Variants in GNB4 observed in about 807,000 individuals in gnomAD.
GNB4 encodes guanine nucleotide-binding protein subunit beta-4.
Under a neutral mutation model 45.2 loss-of-function variants are expected in GNB4, and 28 were observed. The observed-to-expected ratio is 0.62, with a 90% CI of 0.46 to 0.85. The LOEUF is 0.85. Ranked by LOEUF, GNB4 falls within the 40% of genes least tolerant of loss-of-function variation. The pLI is 0.00. For missense variants in GNB4, 321 were observed against 425.4 expected (o/e 0.75, Z 2.16); for synonymous variants, 132 against 143.7 (o/e 0.92, Z 0.58).
intron 8 of GNB4, among the ~76,000 whole-genome samples, chr3:179,407,083 A>G (rs1396633038): frequency 6.6e-6 from 1 of 152,212 alleles, no homozygotes; most frequent in Non-Finnish European, 1.5e-5. Flanking sequence ...TAAAAAACTA[A>G]AAACAACTGG....
chr3:179,467,671 C>A, the GNB4 span, among the ~76,000 whole-genome samples: 2 of 152,136 alleles, frequency 1.3e-5, no homozygotes, highest in African/African-American at 4.8e-5. Flanking sequence ...GTCAGATGCA[C>A]TGTGGCTGTC....
the GNB4 span, among the ~76,000 whole-genome samples, chr3:179,473,923 G>A: frequency 6.6e-6 from 1 of 152,192 alleles, no homozygotes; most frequent in African/African-American, 2.4e-5. Flanking sequence ...TAAAGGATGA[G>A]AAGAAAGAGG....
chr3:179,507,114 T>C, the GNB4 span, among the ~76,000 whole-genome samples: 1 of 152,182 alleles, frequency 6.6e-6, no homozygotes, highest in Non-Finnish European at 1.5e-5. Context: ...CAAGTCTTAT[T>C]AGTTCTGTTT....
chr3:179,482,397 GAT>G, the GNB4 span, among the ~76,000 whole-genome samples: 1 of 152,156 alleles, frequency 6.6e-6, no homozygotes, highest in Non-Finnish European at 1.5e-5. Context: ...CTTGAGTGGT[GAT>G]GACGCAAGCG....
chr3:179,490,658 T>C, the GNB4 span, among the ~76,000 whole-genome samples: 1 of 151,842 alleles, frequency 6.6e-6, no homozygotes, highest in African/African-American at 2.4e-5. Context: ...AGAAAAAGAG[T>C]GTATCCCGGT....
intron 3 of GNB4, among the ~76,000 whole-genome samples, chr3:179,420,126 A>T (rs1234607899): frequency 6.6e-6 from 1 of 150,738 alleles, no homozygotes; most frequent in Non-Finnish European, 1.5e-5. Context: ...ACATACATAA[A>T]TATATATAAT....
At chr3:179,520,653 G>A in the GNB4 span, among the ~76,000 whole-genome samples, 1 of 152,022 alleles carries the variant, frequency 6.6e-6, no homozygotes, top group Admixed American at 6.6e-5. Context: ...TCCTTCAGCT[G>A]TACTCACTCT....
intron 1 of GNB4, among the ~76,000 whole-genome samples, chr3:179,449,491 TA>T (rs1715815974): frequency 6.6e-6 from 1 of 152,192 alleles, no homozygotes; most frequent in South Asian, 2.1e-4. Flanking sequence ...GCCCTCGAAC[TA>T]AGTTAATATG....
chr3:179,413,198 A>C (rs936769640), intron 8 of GNB4, among the ~76,000 whole-genome samples: 2 of 150,802 alleles, frequency 1.3e-5, no homozygotes, highest in Non-Finnish European at 3.0e-5. Context: ...AAATAACAAC[A>C]AAAAAAAATC....
At chr3:179,518,084 A>G in the GNB4 span, among the ~76,000 whole-genome samples, 1 of 151,702 alleles carries the variant, frequency 6.6e-6, no homozygotes. Flanking sequence ...CTCCTTCACT[A>G]TGGGCAACCT....
At chr3:179,408,200 G>A (rs1714534276) in intron 8 of GNB4, among the ~76,000 whole-genome samples, 3 of 151,880 alleles carry the variant, frequency 2.0e-5, no homozygotes, top group Non-Finnish European at 4.4e-5. Flanking sequence ...CTATAATTAG[G>A]AGAAAAATTA....
intron 1 of GNB4, among the ~76,000 whole-genome samples, chr3:179,439,031 A>G (rs1715531115): frequency 6.6e-6 from 1 of 152,202 alleles, no homozygotes; most frequent in African/African-American, 2.4e-5. Flanking sequence ...GGGGACCAGC[A>G]GCATCAGCAT....
the GNB4 span, among the ~76,000 whole-genome samples, chr3:179,473,267 G>T: frequency 6.7e-6 from 1 of 149,868 alleles, no homozygotes; most frequent in African/African-American, 2.4e-5. Context: ...AAGGTCAAAA[G>T]CCCATTTCTC....
chr3:179,461,172 G>A, the GNB4 span, among the ~76,000 whole-genome samples: 26 of 152,216 alleles, frequency 1.7e-4, no homozygotes, highest in Non-Finnish European at 3.1e-4. Flanking sequence ...CCACCTTAGC[G>A]ACTGGACATG....
At chr3:179,425,619 C>T (rs200653220) in intron 2 of GNB4, among the ~76,000 whole-genome samples, 2 of 151,910 alleles carry the variant, frequency 1.3e-5, no homozygotes, top group Non-Finnish European at 2.9e-5. Flanking sequence ...TACAGGTGTG[C>T]ACCACCACGC....
At chr3:179,474,737 C>CTTTTTTTTTTTTTTTTTTTTTTT in the GNB4 span, among the ~76,000 whole-genome samples, 5 of 59,718 alleles carry the variant, frequency 8.4e-5, no homozygotes, top group Non-Finnish European at 8.3e-5. Context: ...AGACTGGGTC[C>CTTTTTTTTTTTTTTTTTTTTTTT]TTTTTTTTTT....
intron 8 of GNB4, among the ~76,000 whole-genome samples, chr3:179,409,080 A>G (rs1001924773): frequency 3.4e-5 from 5 of 149,158 alleles, no homozygotes; most frequent in Admixed American, 2.7e-4. Flanking sequence ...GCAGTGAGCC[A>G]TGACTGCACC....
At chr3:179,507,788 T>C in the GNB4 span, among the ~76,000 whole-genome samples, 1 of 152,210 alleles carries the variant, frequency 6.6e-6, no homozygotes, top group Non-Finnish European at 1.5e-5. Flanking sequence ...CTTTGTACAA[T>C]CTTGGTATCA....
the GNB4 span, among the ~76,000 whole-genome samples, chr3:179,497,707 T>A: frequency 6.9e-6 from 1 of 145,452 alleles, no homozygotes; most frequent in Non-Finnish European, 1.5e-5. Context: ...TTAAAAAAAA[T>A]TTAAAAAAGA....
Sources: gnomAD v4.1 joint callset for allele counts (sites outside exome capture counted in the v4.1 genomes callset) on GRCh38, gnomAD v4.1.1 for gene constraint, MANE v1.5 for transcripts, NCBI Gene and HGNC (gene_info 2026-07-23, HGNC 2026-07-21) for gene names.